The following FHIT variants were observed in gnomAD, a reference collection of about 807,000 sequenced individuals.
FHIT encodes bis(5'-adenosyl)-triphosphatase.
Under a neutral mutation model 17.9 loss-of-function variants are expected in FHIT, and 19 were observed. That is an observed-to-expected ratio of 1.06 (90% CI 0.74 to 1.56). The LOEUF is 1.56. Among genes scored for constraint, FHIT ranks in the 40% most tolerant of loss-of-function variants. FHIT has a pLI of 0.00. For synonymous variants in FHIT, 81 were observed against 69.7 expected (o/e 1.16, Z -0.81); for missense variants, 248 against 189.2 (o/e 1.31, Z -1.82).
intron 2 of FHIT, among the ~76,000 whole-genome samples, chr3:61,056,612 G>A (rs1275835976): frequency 6.6e-6 from 1 of 152,140 alleles, no homozygotes; most frequent in East Asian, 1.9e-4. Flanking sequence ...GAAAGAGTGA[G>A]CCATGTAACA....
chr3:61,121,343 G>A (rs886906667), intron 2 of FHIT, among the ~76,000 whole-genome samples: 16 of 152,202 alleles, frequency 1.1e-4, no homozygotes, highest in African/African-American at 3.6e-4. Flanking sequence ...CAGTCAGAGA[G>A]AAAGGTCGGG....
intron 2 of FHIT, among the ~76,000 whole-genome samples, chr3:61,097,432 G>T (rs1211211454): frequency 1.3e-5 from 2 of 152,158 alleles, no homozygotes; most frequent in Non-Finnish European, 2.9e-5. Context: ...CTTTATAATA[G>T]AATGATTTAT....
At chr3:60,889,214 A>G (rs1173268590) in intron 3 of FHIT, among the ~76,000 whole-genome samples, 2 of 152,056 alleles carry the variant, frequency 1.3e-5, no homozygotes, top group African/African-American at 4.8e-5. Context: ...AAATTAGCCA[A>G]TTGGAATTAG....
intron 5 of FHIT, among the ~76,000 whole-genome samples, chr3:60,299,014 T>C (rs1282087821): frequency 6.6e-6 from 1 of 152,132 alleles, no homozygotes; most frequent in Non-Finnish European, 1.5e-5. Flanking sequence ...TACTGTGGCA[T>C]GTGCACTGGT....
At chr3:59,849,848 A>T (rs910268928) in intron 8 of FHIT, among the ~76,000 whole-genome samples, 1 of 152,228 alleles carries the variant, frequency 6.6e-6, no homozygotes, top group African/African-American at 2.4e-5. Context: ...AGGAAAAAGC[A>T]TAATTTAATT....
intron 4 of FHIT, among the ~76,000 whole-genome samples, chr3:60,539,488 G>A (rs2036106972): frequency 6.6e-6 from 1 of 151,980 alleles, no homozygotes. Flanking sequence ...AAAGACACAT[G>A]CACACATATG....
intron 7 of FHIT, among the ~76,000 whole-genome samples, chr3:59,976,169 G>T (rs931813593): frequency 6.6e-6 from 1 of 152,038 alleles, no homozygotes; most frequent in African/African-American, 2.4e-5. Context: ...GATGCTGTCT[G>T]GGGGGTAAAG....
At chr3:60,376,949 C>A (rs955433852) in intron 5 of FHIT, among the ~76,000 whole-genome samples, 1 of 152,160 alleles carries the variant, frequency 6.6e-6, no homozygotes, top group Non-Finnish European at 1.5e-5. Flanking sequence ...GTTAGTTTGT[C>A]ATTGTTTGGC....
chr3:60,818,040 T>C (rs1249289300), intron 4 of FHIT, among the ~76,000 whole-genome samples: 2 of 152,162 alleles, frequency 1.3e-5, no homozygotes, highest in Non-Finnish European at 2.9e-5. Context: ...CCAGTTGCTG[T>C]AAGTATACTC....
At chr3:60,551,788 G>T (rs946649425) in intron 4 of FHIT, among the ~76,000 whole-genome samples, 4 of 150,798 alleles carry the variant, frequency 2.7e-5, no homozygotes, top group East Asian at 2.0e-4. Flanking sequence ...TTAAAAAAAA[G>T]CATATGCCCC....
At chr3:60,768,311 G>A (rs1553722065) in intron 4 of FHIT, among the ~76,000 whole-genome samples, 1 of 152,176 alleles carries the variant, frequency 6.6e-6, no homozygotes, top group African/African-American at 2.4e-5. Flanking sequence ...TACACAGTAA[G>A]GCTTCTCAAA....
rs371160974 is a variant in FHIT, at chr3:60,946,632, G to C, written c.-111+95415C>G. On this transcript the variant is annotated intron_variant, in intron 3 of 9. Transcript: ENST00000492590. ...GGGGGGAACGTCTTCAATAAATACAGAGGAGTAGGCTGTAGAAGAGTTTTA... is the reference window on the plus strand; with the variant it reads ...GGGGGGAACGTCTTCAATAAATACACAGGAGTAGGCTGTAGAAGAGTTTTA... Among the ~76,000 whole-genome samples the C allele has an allele frequency of 1.4e-4, 21 of 152,164 alleles. No individual in the cohort carries two copies. The East Asian group carries it at 1.5e-3, about 11-fold the overall frequency.
At chr3:60,873,722 G>A (rs1704520450) in intron 3 of FHIT, among the ~76,000 whole-genome samples, 1 of 152,180 alleles carries the variant, frequency 6.6e-6, no homozygotes, top group African/African-American at 2.4e-5. Flanking sequence ...GAAGGAACAA[G>A]CACTGTTTAA....
rs1357858187 is a variant in FHIT, at chr3:59,748,548, A to AT, written c.*1036_*1037insA. On this transcript the variant is annotated 3_prime_UTR_variant, in exon 10 of 10. Transcript: ENST00000492590. ...GGTTGTATTAACAAGGCAGGTAAGG[A>AT]AGAAGTCCAGCAGGCGAGGAGGTGG... is the stretch of plus-strand genomic sequence containing the variant. Among the ~76,000 whole-genome samples, 1 of 151,824 alleles carries AT rather than the reference A, an allele frequency of 6.6e-6. No individual in the cohort carries two copies. Among genetic ancestry groups the AT allele is most frequent in the Non-Finnish European group, 1.5e-5 (1 of 67,954 alleles).
chr3:60,036,439 T>TC (rs1460558833), intron 5 of FHIT, among the ~76,000 whole-genome samples: 1 of 152,222 alleles, frequency 6.6e-6, no homozygotes, highest in Non-Finnish European at 1.5e-5. Context: ...TAAATACTGC[T>TC]TGAATGATTG....
chr3:60,611,904 GCT>G (rs2038796953), intron 4 of FHIT, among the ~76,000 whole-genome samples: 1 of 152,108 alleles, frequency 6.6e-6, no homozygotes, highest in Non-Finnish European at 1.5e-5. Context: ...GGACATTTTG[GCT>G]CTGTTCTAGG....
At chr3:60,295,706 T>C (rs1708175659) in intron 5 of FHIT, among the ~76,000 whole-genome samples, 1 of 152,146 alleles carries the variant, frequency 6.6e-6, no homozygotes, top group Non-Finnish European at 1.5e-5. Flanking sequence ...ATATGTTTAG[T>C]TTTTAAGAAA....
intron 3 of FHIT, among the ~76,000 whole-genome samples, chr3:61,000,164 A>C (rs1217030044): frequency 6.6e-6 from 1 of 152,114 alleles, no homozygotes; most frequent in African/African-American, 2.4e-5. Context: ...CAGTCACTGG[A>C]AGCAGGCCAC....
chr3:60,597,870 T>A (rs553986141), intron 4 of FHIT, among the ~76,000 whole-genome samples: 1 of 152,152 alleles, frequency 6.6e-6, no homozygotes, highest in African/African-American at 2.4e-5. Context: ...GAGCCAGGAC[T>A]CTCTGTCTAG....
Sources: gnomAD v4.1 joint callset for allele counts (sites outside exome capture counted in the v4.1 genomes callset) on GRCh38, gnomAD v4.1.1 for gene constraint, MANE v1.5 for transcripts, NCBI Gene and HGNC (gene_info 2026-07-23, HGNC 2026-07-21) for gene names.